The following ZSWIM6 variants were observed in gnomAD, a reference collection of about 807,000 sequenced individuals.
ZSWIM6 encodes zinc finger SWIM domain-containing protein 6.
A neutral mutation model predicts 113.2 loss-of-function variants in ZSWIM6; 9 were observed. The ratio of observed to expected loss-of-function variants is 0.08; its 90% CI spans 0.05 to 0.14. The LOEUF (loss-of-function observed/expected upper bound fraction) is 0.14. Among genes scored for constraint, ZSWIM6 ranks in the 10% least tolerant of loss-of-function variants. The pLI is 1.00. For missense variants in ZSWIM6, 1,162 were observed against 1,552.2 expected, an observed-to-expected ratio of 0.75 and a Z score of 4.22; for synonymous variants, 611 against 606.5, an observed-to-expected ratio of 1.01 and a Z score of -0.11.
chr5:61,354,617 C>G (rs895022874), intron 1 of ZSWIM6, among the ~76,000 whole-genome samples: 1 of 152,136 alleles, frequency 6.6e-6, no homozygotes, highest in Admixed American at 6.5e-5. Context: ...TTCTGGTAAG[C>G]GAAGGAACAG....
chr5:61,464,284 G>T (rs1747383924), intron 1 of ZSWIM6, among the ~76,000 whole-genome samples: 2 of 146,270 alleles, frequency 1.4e-5, no homozygotes, highest in African/African-American at 5.0e-5. Context: ...GCCTCCCAAA[G>T]TGTTGGGATT....
At chr5:61,471,691 A>T (rs1274219594) in intron 1 of ZSWIM6, among the ~76,000 whole-genome samples, 1 of 152,192 alleles carries the variant, frequency 6.6e-6, no homozygotes, top group Non-Finnish European at 1.5e-5. Context: ...TCTAGGTTGC[A>T]TGCTCCTTAT....
intron 1 of ZSWIM6, among the ~76,000 whole-genome samples, chr5:61,334,894 T>G (rs374407531): frequency 8.1e-4 from 99 of 121,970 alleles, no homozygotes; most frequent in South Asian, 4.5e-3. Context: ...ATGTTGAGGG[T>G]TTTTTTTTTT....
rs1747613835 is a variant in ZSWIM6, at chr5:61,473,128, G to A, written c.1033+91G>A. The A allele has an allele frequency of 1.1e-5, 9 of 814,488 alleles. No homozygotes were observed. The East Asian group carries it at 2.5e-4, about 23-fold the overall frequency. The allele number at this position is 814,488 out of a possible 1,614,324, so 50.5% of individuals were successfully genotyped here. On this transcript the variant is annotated intron_variant, in intron 2 of 13. Coordinates refer to ENST00000252744, the MANE Select transcript of ZSWIM6 (RefSeq NM_020928.2). ...TTCTGCATAAAAGTGAATTAAATGTGAAATAGATCATCAGCATTGCTCTTA... is the reference window on the plus strand; with the variant it reads ...TTCTGCATAAAAGTGAATTAAATGTAAAATAGATCATCAGCATTGCTCTTA...
chr5:61,458,819 A>G (rs1342488205), intron 1 of ZSWIM6, among the ~76,000 whole-genome samples: 3 of 151,674 alleles, frequency 2.0e-5, no homozygotes, highest in South Asian at 4.2e-4. Flanking sequence ...CGGGGGCTAC[A>G]GTGAGCCGAG....
At chr5:61,429,211 T>C (rs1201351064) in intron 1 of ZSWIM6, among the ~76,000 whole-genome samples, 2 of 151,982 alleles carry the variant, frequency 1.3e-5, no homozygotes, top group Non-Finnish European at 2.9e-5. Context: ...CTACAGGGGG[T>C]AGGGTTTGTT....
chr5:61,341,101 C>T (rs947191263), intron 1 of ZSWIM6, among the ~76,000 whole-genome samples: 6 of 152,208 alleles, frequency 3.9e-5, no homozygotes, highest in African/African-American at 7.2e-5. Context: ...TTTGCATGGT[C>T]GGCCTGTGTC....
chr5:61,538,766 A>G (rs757552733), intron 10 of ZSWIM6, 48 bp from the exon 11 acceptor site: 2 of 1,515,322 alleles, frequency 1.3e-6, no homozygotes, highest in Admixed American at 2.1e-5. Context: ...GGCCAAGGAC[A>G]TGGTCAAGAA....
chr5:61,513,006 C>T (rs1169943450), intron 4 of ZSWIM6, among the ~76,000 whole-genome samples: 2 of 151,808 alleles, frequency 1.3e-5, no homozygotes, highest in African/African-American at 2.4e-5. Flanking sequence ...ATTAGAGGTT[C>T]GCTCTTGGTG....
chr5:61,476,951 A>T (rs920447361), intron 2 of ZSWIM6, among the ~76,000 whole-genome samples: 1 of 152,134 alleles, frequency 6.6e-6, no homozygotes, highest in Non-Finnish European at 1.5e-5. Flanking sequence ...TGTTGGGATA[A>T]TTTTAATCAT....
intron 2 of ZSWIM6, among the ~76,000 whole-genome samples, chr5:61,489,711 C>T (rs1038430798): frequency 5.9e-5 from 9 of 152,052 alleles, no homozygotes; most frequent in East Asian, 1.9e-4. Flanking sequence ...TAGTTTGTAC[C>T]GCTATTCTAT....
In ZSWIM6 at chr5:61,399,016, G is replaced by A. The variant is rs193286123; in HGVS notation, c.676+66068G>A. ...CTGCTCACTGCAACCTCCGCCTCCT[G>A]GTTTCAAGTGATTTTCCTGCCTCAG... On this transcript the variant is annotated intron_variant, in intron 1 of 13. Transcript: ENST00000252744. Among the ~76,000 whole-genome samples, 554 of 145,672 alleles carry A rather than the reference G, an allele frequency of 3.8e-3. 2 individuals carry two copies. Among genetic ancestry groups the A allele is most frequent in the African/African-American group, 0.014 (537 of 38,804 alleles).
At chr5:61,396,834 G>GTTAA (rs1171004881) in intron 1 of ZSWIM6, among the ~76,000 whole-genome samples, 1 of 152,032 alleles carries the variant, frequency 6.6e-6, no homozygotes, top group Non-Finnish European at 1.5e-5. Context: ...GGGAGAAAGG[G>GTTAA]GAGTTAAATG....
intron 4 of ZSWIM6, among the ~76,000 whole-genome samples, chr5:61,517,945 C>CTCCCCCA (rs1561274825): frequency 9.7e-6 from 1 of 103,136 alleles, no homozygotes; most frequent in Admixed American, 1.2e-4. Context: ...TCCCTCCCCC[C>CTCCCCCA]ACCCCACAAC....
At chr5:61,514,271 T>G (rs905991921) in intron 4 of ZSWIM6, among the ~76,000 whole-genome samples, 1 of 151,172 alleles carries the variant, frequency 6.6e-6, no homozygotes, top group African/African-American at 2.4e-5. Flanking sequence ...TTGATTTAAG[T>G]GTTTTTTTTT....
intron 1 of ZSWIM6, among the ~76,000 whole-genome samples, chr5:61,386,459 A>AT (rs893419423): frequency 2.6e-4 from 39 of 152,028 alleles, no homozygotes; most frequent in African/African-American, 8.7e-4. Flanking sequence ...TTTGATTTAC[A>AT]TTTTTTTTAT....
chr5:61,389,267 G>A (rs1444195179), intron 1 of ZSWIM6, among the ~76,000 whole-genome samples: 1 of 152,032 alleles, frequency 6.6e-6, no homozygotes. Flanking sequence ...TAAGAATCCT[G>A]CAGCTTGGCC....
At chr5:61,431,357 G>T (rs1435079731) in intron 1 of ZSWIM6, among the ~76,000 whole-genome samples, 1 of 107,520 alleles carries the variant, frequency 9.3e-6, no homozygotes, top group Non-Finnish European at 1.7e-5. Context: ...TGGCGACAGA[G>T]CAAGACTCCA....
At chr5:61,503,309 G>A (rs949303327) in intron 4 of ZSWIM6, among the ~76,000 whole-genome samples, 1 of 152,176 alleles carries the variant, frequency 6.6e-6, no homozygotes, top group African/African-American at 2.4e-5. Flanking sequence ...TCTGAAAAAT[G>A]TAGGTAACTC....
Sources: gnomAD v4.1 joint callset for allele counts (sites outside exome capture counted in the v4.1 genomes callset) on GRCh38, gnomAD v4.1.1 for gene constraint, MANE v1.5 for transcripts, NCBI Gene and HGNC (gene_info 2026-07-23, HGNC 2026-07-21) for gene names.